DAB1: variants seen among roughly 807,000 people sequenced by gnomAD.
DAB1 encodes the protein disabled homolog 1.
Under a neutral mutation model 64.6 loss-of-function variants are expected in DAB1, and 15 were observed. The ratio of observed to expected loss-of-function variants is 0.23; its 90% confidence interval spans 0.16 to 0.36. The LOEUF is 0.36. Ranked by LOEUF, DAB1 falls within the 10% of genes least tolerant of loss-of-function variation. The pLI is 1.00. For synonymous variants in DAB1, 235 were observed against 251.9 expected, an observed-to-expected ratio of 0.93 and a Z score of 0.64; for missense variants, 596 against 706.7, an observed-to-expected ratio of 0.84 and a Z score of 1.78.
chr1:57,635,536 AATG>A (rs1646042489), intron 7 of DAB1, among the ~76,000 whole-genome samples: 2 of 152,258 alleles, frequency 1.3e-5, no homozygotes, highest in Middle Eastern at 3.4e-3. Flanking sequence ...TCTACTGCCT[AATG>A]ATCTGTCACT....
intron 6 of DAB1, among the ~76,000 whole-genome samples, chr1:57,819,744 T>C (rs1238758388): frequency 6.6e-6 from 1 of 152,126 alleles, no homozygotes; most frequent in African/African-American, 2.4e-5. Context: ...GGAACTGTCA[T>C]GCTGCTTTGA....
Position 58,480,943 on chromosome 1 carries a change from CTT to C in DAB1, n.257+25115_257+25116del, listed in dbSNP as rs1172326502. 3.5e-6 allele frequency: 3 copies of C among 846,320 alleles called. No homozygotes were observed. The East Asian group carries it at 7.3e-5, about 21-fold the overall frequency. The allele number at this position is 846,320 out of a possible 1,614,324, so 52.4% of individuals were successfully genotyped here. On this transcript the variant is annotated intron_variant and non_coding_transcript_variant, in intron 3 of 20. Transcript: ENST00000485760. ...AAGGACTGCAACATTCTTCATATAT[CTT>C]GTGTCTCATAAATTTTAATTCAACT...
chr1:57,460,584 G>A (rs1255469944), intron 7 of DAB1, among the ~76,000 whole-genome samples: 2 of 152,154 alleles, frequency 1.3e-5, no homozygotes, highest in Non-Finnish European at 2.9e-5. Flanking sequence ...GGATAACAAA[G>A]CTCCGAGTGA....
intron 1 of DAB1, among the ~76,000 whole-genome samples, chr1:57,416,795 G>A (rs1684525892): frequency 6.6e-6 from 1 of 152,112 alleles, no homozygotes; most frequent in Admixed American, 6.6e-5. Context: ...AACTTATTGA[G>A]CATCTACTAC....
chr1:57,638,522 A>G (rs1646087893), intron 7 of DAB1, among the ~76,000 whole-genome samples: 1 of 152,172 alleles, frequency 6.6e-6, no homozygotes, highest in East Asian at 1.9e-4. Context: ...AAATGCTGTC[A>G]TCATCATAAC....
At chr1:57,024,176 G>A (rs193108708) in intron 10 of DAB1, among the ~76,000 whole-genome samples, 39 of 137,854 alleles carry the variant, frequency 2.8e-4, no homozygotes, top group Non-Finnish European at 2.7e-4. Flanking sequence ...GTGCCCCCCC[G>A]CCACACCCCC....
At chr1:57,283,411 C>A (rs930180400) in intron 2 of DAB1, among the ~76,000 whole-genome samples, 2 of 152,148 alleles carry the variant, frequency 1.3e-5, no homozygotes, top group Admixed American at 1.3e-4. Context: ...TGTGCTGCCT[C>A]TCAGACATGG....
intron 4 of DAB1, among the ~76,000 whole-genome samples, chr1:57,086,506 G>A (rs1162090640): frequency 6.6e-6 from 1 of 152,154 alleles, no homozygotes; most frequent in Non-Finnish European, 1.5e-5. Flanking sequence ...TCTGGGGACA[G>A]TTTGGCAAAG....
chr1:57,311,522 C>CCACACACACACACACA (rs3042913), intron 1 of DAB1, among the ~76,000 whole-genome samples: 4,614 of 150,010 alleles, frequency 0.031, 236 homozygotes, highest in African/African-American at 0.11. Flanking sequence ...CTGCCAACCA[C>CCACACACACACACACA]CACACACACA....
chr1:58,067,806 G>C (rs1256914885), intron 5 of DAB1, among the ~76,000 whole-genome samples: 4 of 152,180 alleles, frequency 2.6e-5, no homozygotes, highest in African/African-American at 7.2e-5. Flanking sequence ...CAATGAGTGG[G>C]GGGTAATGAG....
intron 6 of DAB1, among the ~76,000 whole-genome samples, chr1:57,763,188 C>T (rs1257066098): frequency 6.6e-6 from 1 of 152,116 alleles, no homozygotes; most frequent in African/African-American, 2.4e-5. Context: ...AATTCTCCTC[C>T]CACCCAAAAT....
intron 3 of DAB1, among the ~76,000 whole-genome samples, chr1:58,375,443 T>G (rs1357722136): frequency 7.4e-6 from 1 of 135,614 alleles, no homozygotes; most frequent in East Asian, 2.0e-4. Context: ...GATAATCATG[T>G]GGTTTTTGTC....
intron 7 of DAB1, among the ~76,000 whole-genome samples, chr1:57,547,191 T>G (rs1415384699): frequency 1.3e-5 from 2 of 152,154 alleles, no homozygotes; most frequent in African/African-American, 4.8e-5. Flanking sequence ...TACAATGAGA[T>G]GGGTGACCAC....
At chr1:57,761,341 T>C (rs1649077171) in intron 6 of DAB1, among the ~76,000 whole-genome samples, 1 of 152,216 alleles carries the variant, frequency 6.6e-6, no homozygotes, top group Non-Finnish European at 1.5e-5. Flanking sequence ...TTATTTTATT[T>C]TAATCTATTT....
intron 3 of DAB1, among the ~76,000 whole-genome samples, chr1:58,461,702 A>C (rs1645243962): frequency 6.6e-6 from 1 of 152,166 alleles, no homozygotes; most frequent in Non-Finnish European, 1.5e-5. Context: ...GAGCACCCCA[A>C]AGACTACCGA....
intron 4 of DAB1, among the ~76,000 whole-genome samples, chr1:57,104,850 G>C (rs987584772): frequency 6.6e-6 from 1 of 152,136 alleles, no homozygotes; most frequent in African/African-American, 2.4e-5. Flanking sequence ...TCTGAATTCT[G>C]CCAAGATTTG....
chr1:58,022,009 G>A (rs1646822008), intron 5 of DAB1, among the ~76,000 whole-genome samples: 1 of 152,158 alleles, frequency 6.6e-6, no homozygotes, highest in South Asian at 2.1e-4. Flanking sequence ...CTAAGGAGTT[G>A]GCAGAAGGCC....
intron 3 of DAB1, among the ~76,000 whole-genome samples, chr1:58,442,339 C>T (rs904384006): frequency 6.6e-6 from 1 of 152,174 alleles, no homozygotes; most frequent in Non-Finnish European, 1.5e-5. Flanking sequence ...TCCAAAACCT[C>T]CAGAATGCTA....
At chr1:57,946,038 GT>G (rs559333341) in intron 5 of DAB1, among the ~76,000 whole-genome samples, 1 of 152,262 alleles carries the variant, frequency 6.6e-6, no homozygotes, top group African/African-American at 2.4e-5. Flanking sequence ...CATTTCACAG[GT>G]GAAGAAACTG....
Sources: gnomAD v4.1 joint callset for allele counts (sites outside exome capture counted in the v4.1 genomes callset) on GRCh38, gnomAD v4.1.1 for gene constraint, MANE v1.5 for transcripts, NCBI Gene and HGNC (gene_info 2026-07-23, HGNC 2026-07-21) for gene names.